ATP5PO: variants seen among roughly 807,000 people sequenced by gnomAD.
ATP5PO encodes the protein ATP synthase peripheral stalk subunit OSCP.
A neutral mutation model predicts 26.2 loss-of-function variants in ATP5PO; 14 were observed. The ratio of observed to expected loss-of-function variants is 0.53; its 90% CI spans 0.35 to 0.83. The LOEUF is 0.83. ATP5PO is among the 40% of genes least tolerant of loss of function. The pLI is 0.01. For synonymous variants in ATP5PO, 106 were observed against 95.1 expected (o/e 1.12, Z -0.67); for missense variants, 241 against 258.5 (o/e 0.93, Z 0.46).
intron 6 of ATP5PO, 62 bp from the exon 7 acceptor site, chr21:33,903,701 G>A: frequency 6.4e-7 from 1 of 1,566,680 alleles, no homozygotes. Flanking sequence ...ACACAAAAAA[G>A]TGTTTTGAAA....
At chr21:33,914,173 AAGT>A (rs1490858242) in intron 2 of ATP5PO, among the ~76,000 whole-genome samples, 2 of 151,536 alleles carry the variant, frequency 1.3e-5, no homozygotes, top group Non-Finnish European at 2.9e-5. Flanking sequence ...TAAAAAAAAA[AAGT>A]AAGTAAATGC....
rs542905799 is a variant in ATP5PO at position 33,914,499 on chromosome 21, A to G, written c.38T>C (p.Val13Ala). 24 of 1,612,992 alleles carry G rather than the reference A, an allele frequency of 1.5e-5. No homozygotes were observed. In the South Asian group the frequency reaches 2.3e-4, roughly 16 times the overall value. Reference sequence around the variant, plus strand: ...GACCACAGAGGTACTGAAGCATCGCACCTTCAAAGCAATAAAGGAAAATAG... The same window carrying G: ...GACCACAGAGGTACTGAAGCATCGCGCCTTCAAAGCAATAAAGGAAAATAG... ...APAVSGLSRQ[V>A]RCFSTSVVRP... Residue 13 changes from valine to alanine, a missense_variant and splice_region_variant, in exon 2 of 7, where the codon GTG becomes GCG. Around this residue, in one of 3 missense-constraint regions of ATP5PO, gnomAD observed 125 missense variants for 108.5 expected, o/e 1.15. Coordinates refer to ENST00000290299, the MANE Select transcript of ATP5PO (RefSeq NM_001697.3).
At position 33,907,328 on chromosome 21, in the gene ATP5PO, A is replaced by G. The variant is rs1276195263; in HGVS notation, c.441+13T>C. On this transcript the variant is annotated intron_variant, in intron 5 of 6. Transcript: ENST00000290299. ...TATCAAGGCAAACACAGCAGCAACAACCCGTTACTTACAGATGCAGAGGTC... is the reference window on the plus strand; with the variant it reads ...TATCAAGGCAAACACAGCAGCAACAGCCCGTTACTTACAGATGCAGAGGTC... 4 of 1,589,286 alleles carry G rather than the reference A, an allele frequency of 2.5e-6. No individual in the cohort carries two copies. The Admixed American group carries it at 6.7e-5, about 27-fold the overall frequency.
intron 5 of ATP5PO, chr21:33,906,392 C>G: frequency 1.0e-5 from 3 of 291,756 alleles, no homozygotes; most frequent in Non-Finnish European, 2.0e-5. Context: ...GTAGTGTAGT[C>G]TAAGGAAAAT....
In ATP5PO at chr21:33,903,626, A is replaced by G. The variant is rs1198680352; in HGVS notation, c.542T>C (p.Ile181Thr). 1.5e-5 allele frequency: 24 copies of G among 1,614,146 alleles called. No individual in the cohort carries two copies. Among genetic ancestry groups the G allele is most frequent in the Non-Finnish European group, 2.0e-5 (24 of 1,180,002 alleles). ...LKLEAKTDPSILGGMIVRIGE... is the reference protein window; with the variant it reads ...LKLEAKTDPSTLGGMIVRIGE... ...AATGCGCACAATCATTCCACCCAAG[A>G]TTGACGGATCAGTCTACAAAAGAAG... Residue 181 changes from isoleucine to threonine, a missense_variant, in exon 7 of 7, where the codon ATC becomes ACC. Physicochemically the swap from Ile to Thr is moderately conservative, Grantham distance 89 (BLOSUM62 -1). Around this residue, in one of 3 missense-constraint regions of ATP5PO, gnomAD observed 77 missense variants for 74.5 expected, o/e 1.03. Coordinates refer to ENST00000290299, the MANE Select transcript of ATP5PO (RefSeq NM_001697.3).
At chr21:33,906,002 TG>T (rs902504753) in intron 5 of ATP5PO, among the ~76,000 whole-genome samples, 1 of 150,356 alleles carries the variant, frequency 6.7e-6, no homozygotes, top group African/African-American at 2.4e-5. Flanking sequence ...TGGGTGACCG[TG>T]GGGCAGGTGA....
In ATP5PO at chr21:33,914,513, A is replaced by G. The variant is rs1987289121; in HGVS notation, c.37-13T>C. The G allele has an allele frequency of 6.2e-7, 1 of 1,610,716 alleles. No individual in the cohort carries two copies. The highest frequency in any genetic ancestry group is 8.5e-7 in the Non-Finnish European group (1 of 1,178,668). On this transcript the variant is annotated splice_polypyrimidine_tract_variant and intron_variant, in intron 1 of 6. Coordinates refer to ENST00000290299, the MANE Select transcript of ATP5PO (RefSeq NM_001697.3). ...TGAAGCATCGCACCTTCAAAGCAATAAAGGAAAATAGATCAAACAAAATTA... is the reference window on the plus strand; with the variant it reads ...TGAAGCATCGCACCTTCAAAGCAATGAAGGAAAATAGATCAAACAAAATTA...
Position 33,914,572 on chromosome 21 carries a change from C to CA in ATP5PO, c.37-73dup, listed in dbSNP as rs533283808. On this transcript the variant is annotated intron_variant, in intron 1 of 6. Coordinates refer to ENST00000290299, the MANE Select transcript of ATP5PO (RefSeq NM_001697.3). ...ATTTCTGCATTTAACTCAATAACAA[C>CA]AAAAAATTTTAAATAACCTTAAAAT... is the stretch of plus-strand genomic sequence containing the variant. 472 of 1,427,444 alleles carry CA rather than the reference C, an allele frequency of 3.3e-4. 1 individual carries two copies. In the African/African-American group the frequency reaches 6.1e-3, roughly 18 times the overall value. The allele number at this position is 1,427,444 out of a possible 1,614,324, so 88.4% of individuals were successfully genotyped here.
At chr21:33,905,666 A>G (rs1361205498) in intron 5 of ATP5PO, among the ~76,000 whole-genome samples, 1 of 152,232 alleles carries the variant, frequency 6.6e-6, no homozygotes, top group Non-Finnish European at 1.5e-5. Flanking sequence ...TGGTCCCAGC[A>G]CATTGGGAGG....
chr21:33,912,504 T>C (rs2084905111), intron 2 of ATP5PO, 105 bp from the exon 3 acceptor site: 2 of 717,170 alleles, frequency 2.8e-6, no homozygotes, highest in South Asian at 5.0e-5. Context: ...AATGTATCTC[T>C]TTAACACAAA....
chr21:33,908,815 G>A (rs775646360), intron 4 of ATP5PO: 14 of 333,828 alleles, frequency 4.2e-5, no homozygotes, highest in South Asian at 2.4e-4. Context: ...CACACTGGCC[G>A]CCTCCACAGT....
At chr21:33,909,437 T>C (rs1162813489) in intron 3 of ATP5PO, among the ~76,000 whole-genome samples, 1 of 151,966 alleles carries the variant, frequency 6.6e-6, no homozygotes, top group African/African-American at 2.4e-5. Context: ...CGCTAATTTT[T>C]GTATTTTTAG....
chr21:33,912,319 C>T lies in ATP5PO; in HGVS notation c.168G>A (p.Glu56=), dbSNP rs776875621. The part of the protein sequence containing the change: ...YSAASKQNKL[E]QVEKELLRVA... The stretch of plus-strand genomic sequence containing the variant: ...CTCTCAACAACTCCTTTTCTACTTG[C>T]TCCAGCTTATTCTGTTTTGATGCAG... Residue 56 remains glutamate, a synonymous_variant, in exon 3 of 7, where the codon GAG becomes GAA. Transcript: ENST00000290299. 1.1e-5 allele frequency: 18 copies of T among 1,613,168 alleles called. No individual in the cohort carries two copies. In the Middle Eastern group the frequency reaches 4.9e-4, roughly 44 times the overall value.
intron 2 of ATP5PO, among the ~76,000 whole-genome samples, chr21:33,914,070 G>A (rs924553607): frequency 5.9e-5 from 9 of 151,838 alleles, no homozygotes; most frequent in African/African-American, 1.7e-4. Flanking sequence ...GAGCCACCGC[G>A]CCCAGCCCGG....
chr21:33,909,829 T>C (rs1023662110), intron 3 of ATP5PO, among the ~76,000 whole-genome samples: 7 of 152,180 alleles, frequency 4.6e-5, no homozygotes, highest in Non-Finnish European at 8.8e-5. Context: ...TACTTTAATA[T>C]ATTTAAGAGA....
intron 1 of ATP5PO, chr21:33,915,452 A>AC (rs1284764132): frequency 3.9e-6 from 2 of 508,038 alleles, no homozygotes; most frequent in Admixed American, 4.3e-5. Context: ...CGAAGGGCAG[A>AC]CCCCCTCTCC....
chr21:33,903,740 G>T (rs1386666679), intron 6 of ATP5PO, 101 bp from the exon 7 acceptor site: 2 of 1,300,396 alleles, frequency 1.5e-6, no homozygotes, highest in African/African-American at 3.0e-5. Flanking sequence ...AATGTAAGAG[G>T]TTATAATTAC....
intron 3 of ATP5PO, among the ~76,000 whole-genome samples, chr21:33,909,427 C>T (rs1249359586): frequency 7.1e-6 from 1 of 140,030 alleles, no homozygotes; most frequent in Non-Finnish European, 1.6e-5. Context: ...CACCATGTCC[C>T]GCTAATTTTT....
rs1259215709 is a variant in ATP5PO, at chr21:33,903,612, T to G, written c.556A>C (p.Ile186Leu). The change falls in exon 7 of 7, where the codon ATT becomes CTT. Residue 186 changes from isoleucine to leucine, a missense_variant. Around this residue, in one of 3 missense-constraint regions of ATP5PO, gnomAD observed 77 missense variants for 74.5 expected, o/e 1.03. Transcript: ENST00000290299. Reference protein sequence around the residue: ...KTDPSILGGMIVRIGEKYVDM... With the variant: ...KTDPSILGGMLVRIGEKYVDM... ...ACATATTTCTCGCCAATGCGCACAA[T>G]CATTCCACCCAAGATTGACGGATCA... 1.2e-6 allele frequency: 2 copies of G among 1,614,116 alleles called. No homozygotes were observed. Among genetic ancestry groups the G allele is most frequent in the Non-Finnish European group, 1.7e-6 (2 of 1,180,014 alleles).
Sources: allele counts gnomAD v4.1 joint callset (sites outside exome capture counted in the v4.1 genomes callset), GRCh38; gene constraint gnomAD v4.1.1; regional missense constraint gnomAD v4.1.1; transcripts MANE v1.5; gene names NCBI Gene and HGNC (gene_info 2026-07-23, HGNC 2026-07-21).